The following REC114 variants were observed in gnomAD, a reference collection of about 807,000 sequenced individuals.
REC114 encodes meiotic recombination protein REC114.
REC114 carries 27 observed loss-of-function variants against 31.3 expected under a neutral mutation model. That is an observed-to-expected ratio of 0.86 (90% CI 0.64 to 1.19). The LOEUF (loss-of-function observed/expected upper bound fraction) is 1.19, where lower values mean the gene tolerates loss of function less well. Ranked by LOEUF, REC114 falls within the 50% of genes most tolerant of loss-of-function variation. The pLI, the probability that REC114 is intolerant of heterozygous loss-of-function variation, is 0.00. For missense variants in REC114, 344 were observed against 326.9 expected (o/e 1.05, Z -0.40); for synonymous variants, 134 against 127.7 (o/e 1.05, Z -0.33).
At chr15:73,554,598 C>A (rs1215471935) in intron 4 of REC114, among the ~76,000 whole-genome samples, 1 of 152,174 alleles carries the variant, frequency 6.6e-6, no homozygotes, top group Non-Finnish European at 1.5e-5. Flanking sequence ...GCAACCAGCC[C>A]ACCCCAGGGA....
intron 2 of REC114, among the ~76,000 whole-genome samples, chr15:73,515,736 G>A (rs560727784): frequency 3.6e-4 from 55 of 152,254 alleles, no homozygotes; most frequent in Middle Eastern, 3.4e-3. Context: ...GAAGCAAGCC[G>A]TCACCAGACA....
chr15:73,531,445 A>G (rs1894081197), intron 2 of REC114, among the ~76,000 whole-genome samples: 1 of 152,112 alleles, frequency 6.6e-6, no homozygotes, highest in South Asian at 2.1e-4. Flanking sequence ...CAATTTAGAA[A>G]CGCACTTCAT....
intron 3 of REC114, among the ~76,000 whole-genome samples, chr15:73,544,395 GA>G (rs1372105550): frequency 7.2e-5 from 11 of 152,210 alleles, no homozygotes; most frequent in African/African-American, 2.6e-4. Flanking sequence ...TTGACAAATG[GA>G]AGAAGTAAAA....
At chr15:73,473,722 C>T (rs1595864204) in intron 1 of REC114, 110 bp from the exon 2 acceptor site, 2 of 616,804 alleles carry the variant, frequency 3.2e-6, no homozygotes, top group East Asian at 6.0e-5. Context: ...AAAGAGAATG[C>T]TCGGAGTAAA....
At chr15:73,459,479 G>A (rs1892960826) in intron 1 of REC114, among the ~76,000 whole-genome samples, 1 of 152,066 alleles carries the variant, frequency 6.6e-6, no homozygotes, top group East Asian at 1.9e-4. Context: ...TGATCCACCC[G>A]CCTTAGCCTC....
chr15:73,448,730 G>A (rs1182609189), intron 1 of REC114, among the ~76,000 whole-genome samples: 1 of 152,152 alleles, frequency 6.6e-6, no homozygotes, highest in East Asian at 1.9e-4. Context: ...GGGGCCGACA[G>A]ACACCTCATA....
chr15:73,458,165 G>A (rs1892942463), intron 1 of REC114, among the ~76,000 whole-genome samples: 1 of 152,176 alleles, frequency 6.6e-6, no homozygotes, highest in South Asian at 2.1e-4. Flanking sequence ...AATTCACTAA[G>A]TGGTACTGAT....
At chr15:73,474,015 C>T in intron 2 of REC114, 94 bp downstream of exon 2, 1 of 783,640 alleles carries the variant, frequency 1.3e-6, no homozygotes, top group Admixed American at 2.5e-5. Flanking sequence ...TTCAGTCTCA[C>T]TGTAATTCAT....
intron 2 of REC114, among the ~76,000 whole-genome samples, chr15:73,524,202 G>A (rs1893976319): frequency 6.6e-6 from 1 of 152,154 alleles, no homozygotes; most frequent in South Asian, 2.1e-4. Flanking sequence ...TAAAATTGAA[G>A]AAAGAACAAA....
At chr15:73,490,747 G>C (rs926549403) in intron 2 of REC114, among the ~76,000 whole-genome samples, 1 of 152,018 alleles carries the variant, frequency 6.6e-6, no homozygotes, top group Non-Finnish European at 1.5e-5. Flanking sequence ...ATTGAATTTT[G>C]ATAAATGTAT....
At chr15:73,443,469 G>C (rs933041217) in intron 1 of REC114, 125 bp downstream of exon 1, 7 of 1,162,058 alleles carry the variant, frequency 6.0e-6, no homozygotes, top group Non-Finnish European at 7.0e-6. Flanking sequence ...TGCCAGGCCT[G>C]TTGGGGAATG....
At chr15:73,476,055 C>T (rs1893209191) in intron 2 of REC114, among the ~76,000 whole-genome samples, 1 of 152,016 alleles carries the variant, frequency 6.6e-6, no homozygotes, top group South Asian at 2.1e-4. Flanking sequence ...CCCACGTGAC[C>T]CACATATGTA....
intron 3 of REC114, among the ~76,000 whole-genome samples, chr15:73,546,923 A>G (rs1225168419): frequency 2.0e-5 from 3 of 152,134 alleles, no homozygotes; most frequent in Non-Finnish European, 4.4e-5. Flanking sequence ...AAAATGGATT[A>G]AATACTTAAA....
At chr15:73,557,430 AAAAG>A (rs902316795) in intron 5 of REC114, among the ~76,000 whole-genome samples, 2 of 151,302 alleles carry the variant, frequency 1.3e-5, no homozygotes, top group African/African-American at 2.4e-5. Flanking sequence ...AAAAAAAAAA[AAAAG>A]AAAAAAAGGG....
At position 73,540,283 on chromosome 15, in the gene REC114, G is replaced by A. The variant is rs566932750; in HGVS notation, c.250-202G>A. On this transcript the variant is annotated intron_variant, in intron 2 of 5. Coordinates refer to ENST00000331090, the MANE Select transcript of REC114 (RefSeq NM_001042367.2). The stretch of plus-strand genomic sequence containing the variant: ...GATTAAGAAAAAAAAGTTGTCTTAC[G>A]TTCCTCATGCAGGAAAAGCACCAGG... 5.3e-5 allele frequency among the ~76,000 whole-genome samples: 8 copies of A among 152,240 alleles called. No individual in the cohort carries two copies. The South Asian group carries it at 1.2e-3, about 24-fold the overall frequency.
At chr15:73,488,063 G>T (rs986028756) in intron 2 of REC114, among the ~76,000 whole-genome samples, 15 of 152,278 alleles carry the variant, frequency 9.9e-5, no homozygotes, top group Admixed American at 9.2e-4. Flanking sequence ...TCACAGCTGG[G>T]GTGGTCAAGG....
At chr15:73,484,436 C>A (rs1240419508) in intron 2 of REC114, among the ~76,000 whole-genome samples, 1 of 152,198 alleles carries the variant, frequency 6.6e-6, no homozygotes, top group Non-Finnish European at 1.5e-5. Flanking sequence ...AGGAGGTACA[C>A]TTACTCTTCA....
intron 4 of REC114, among the ~76,000 whole-genome samples, chr15:73,551,966 A>T (rs4777611): frequency 6.6e-6 from 1 of 152,210 alleles, no homozygotes; most frequent in African/African-American, 2.4e-5. Flanking sequence ...TTACTTGTTT[A>T]TAAGTAATTA....
At chr15:73,549,082 C>G (rs1240302006) in intron 3 of REC114, among the ~76,000 whole-genome samples, 1 of 151,986 alleles carries the variant, frequency 6.6e-6, no homozygotes, top group Admixed American at 6.6e-5. Context: ...AGGCTTAATA[C>G]CTGGGTGACG....
Sources: allele counts gnomAD v4.1 joint callset (sites outside exome capture counted in the v4.1 genomes callset), GRCh38; gene constraint gnomAD v4.1.1; transcripts MANE v1.5; gene names NCBI Gene and HGNC (gene_info 2026-07-23, HGNC 2026-07-21).